ASNS: variants seen among roughly 807,000 people sequenced by gnomAD.
The protein encoded by ASNS is asparagine synthetase (glutamine-hydrolyzing), also known as asparagine synthetase [glutamine-hydrolyzing].
Under a neutral mutation model 62.6 loss-of-function variants are expected in ASNS, and 37 were observed. That is an observed-to-expected ratio of 0.59 (90% CI 0.45 to 0.78). The LOEUF (loss-of-function observed/expected upper bound fraction) is 0.78, where lower values mean the gene tolerates loss of function less well. Among genes scored for constraint, ASNS ranks in the 30% least tolerant of loss-of-function variants. The pLI is 0.00. For synonymous variants in ASNS, 207 were observed against 237.9 expected (o/e 0.87, Z 1.19); for missense variants, 520 against 682.4 (o/e 0.76, Z 2.65).
At chr7:97,925,755 G>A in the ASNS span, among the ~76,000 whole-genome samples, 1 of 152,198 alleles carries the variant, frequency 6.6e-6, no homozygotes, top group Non-Finnish European at 1.5e-5. Context: ...ACTCCAGTGA[G>A]TTATCACCCT....
chr7:97,927,071 CTTTTTTTTTTT>C, the ASNS span, among the ~76,000 whole-genome samples: 20 of 40,516 alleles, frequency 4.9e-4, no homozygotes, highest in South Asian at 1.4e-3. Context: ...CCACACCTGG[CTTTTTTTTTTT>C]TTTTTTTTTT....
chr7:97,877,977 T>G, the ASNS span, among the ~76,000 whole-genome samples: 1 of 152,116 alleles, frequency 6.6e-6, no homozygotes, highest in African/African-American at 2.4e-5. Context: ...CATTACAACT[T>G]CCTTTCTCAA....
chr7:97,898,133 T>TCA, the ASNS span, among the ~76,000 whole-genome samples: 1 of 151,944 alleles, frequency 6.6e-6, no homozygotes, highest in African/African-American at 2.4e-5. Context: ...CTCACTCTGT[T>TCA]GCCCAGGCTG....
chr7:97,885,341 C>G, the ASNS span, among the ~76,000 whole-genome samples: 912 of 152,324 alleles, frequency 6.0e-3, 7 homozygotes, highest in African/African-American at 0.021. Flanking sequence ...ATGAATAATG[C>G]TGCTATGAGC....
the ASNS span, among the ~76,000 whole-genome samples, chr7:97,896,735 C>CATATATATATATATATATATATAT: frequency 1.2e-4 from 3 of 24,958 alleles, no homozygotes; most frequent in Non-Finnish European, 2.2e-4. Context: ...CACACACACA[C>CATATATATATATATATATATATAT]ACACACATAT....
the ASNS span, chr7:97,898,484 C>A: frequency 7.4e-6 from 4 of 542,052 alleles, no homozygotes; most frequent in African/African-American, 7.8e-5. Flanking sequence ...AGCATTTTTA[C>A]TTTTCTAATG....
At chr7:97,916,263 C>T in the ASNS span, among the ~76,000 whole-genome samples, 1 of 152,070 alleles carries the variant, frequency 6.6e-6, no homozygotes, top group Admixed American at 6.5e-5. Context: ...TGCCTGTAGT[C>T]CCAGCTACTC....
chr7:97,882,404 C>T, the ASNS span, among the ~76,000 whole-genome samples: 23 of 150,660 alleles, frequency 1.5e-4, no homozygotes, highest in Non-Finnish European at 3.3e-4. Context: ...AAAAATTAGC[C>T]GGGCATGGTG....
the ASNS span, among the ~76,000 whole-genome samples, chr7:97,881,854 C>T: frequency 6.6e-6 from 1 of 152,092 alleles, no homozygotes; most frequent in Non-Finnish European, 1.5e-5. Flanking sequence ...ATGATAACAG[C>T]AACCCCAATC....
At chr7:97,854,391 TTGGGACAAAGTTAAGA>T (rs1181021027) in intron 10 of ASNS, among the ~76,000 whole-genome samples, 173 bp downstream of exon 10, 2 of 152,192 alleles carry the variant, frequency 1.3e-5, no homozygotes, top group Non-Finnish European at 2.9e-5. Context: ...CCTAATCCTT[TTGGGACAAAGTTAAGA>T]AACAGCTTCA....
chr7:97,926,128 A>G, the ASNS span, among the ~76,000 whole-genome samples: 1 of 144,746 alleles, frequency 6.9e-6, no homozygotes, highest in East Asian at 2.1e-4. Context: ...GTCCCGATTT[A>G]CCTGCTAAAA....
Position 97,864,248 on chromosome 7 carries a change from T to C in ASNS, c.487+11A>G. On this transcript the variant is annotated intron_variant, in intron 4 of 12. Coordinates refer to ENST00000394308, the MANE Select transcript of ASNS (RefSeq NM_001673.5). ...ACAATAATGAAAATCTATAGAAAAATTTATTATTACCTTTAGCTTCTGAAC... is the reference window on the plus strand; with the variant it reads ...ACAATAATGAAAATCTATAGAAAAACTTATTATTACCTTTAGCTTCTGAAC... 2 of 1,592,360 alleles carry C rather than the reference T, an allele frequency of 1.3e-6. No homozygotes were observed. The highest frequency in any genetic ancestry group is 1.7e-6 in the Non-Finnish European group (2 of 1,169,094).
the ASNS span, chr7:97,908,453 G>A: frequency 6.6e-6 from 1 of 152,118 alleles, no homozygotes; most frequent in Non-Finnish European, 1.5e-5. Context: ...CCACATTGGA[G>A]TGCAGTGGTA....
the ASNS span, among the ~76,000 whole-genome samples, chr7:97,883,332 C>T: frequency 6.6e-6 from 1 of 152,268 alleles, no homozygotes; most frequent in Non-Finnish European, 1.5e-5. Context: ...AAACATTCCT[C>T]TTCACAAAGG....
chr7:97,922,471 G>A, the ASNS span, among the ~76,000 whole-genome samples: 1 of 152,212 alleles, frequency 6.6e-6, no homozygotes, highest in Non-Finnish European at 1.5e-5. Flanking sequence ...GACACAGAAT[G>A]TCATTTTTAG....
At chr7:97,909,294 CTTTTTTTTTTTT>C in the ASNS span, among the ~76,000 whole-genome samples, 38 of 72,664 alleles carry the variant, frequency 5.2e-4, no homozygotes, top group East Asian at 2.2e-3. Context: ...CTCACATACA[CTTTTTTTTTTTT>C]TTTTTTTTTT....
Position 97,853,249 on chromosome 7 carries a change from A to C in ASNS, c.1321-34T>G, listed in dbSNP as rs1443782997. 2.5e-6 allele frequency: 4 copies of C among 1,607,830 alleles called. No individual in the cohort carries two copies. In the East Asian group the frequency reaches 8.9e-5, roughly 36 times the overall value. On this transcript the variant is annotated intron_variant, in intron 11 of 12. Transcript: ENST00000394308. Reference sequence around the variant, plus strand: ...ACAAAAAAAGGAGCATCAGGTAAAAATTACAAATATAATCTGATGGCAATG... The same window carrying C: ...ACAAAAAAAGGAGCATCAGGTAAAACTTACAAATATAATCTGATGGCAATG...
At chr7:97,867,651 C>T (rs1332538393) in intron 3 of ASNS, among the ~76,000 whole-genome samples, 5 of 152,126 alleles carry the variant, frequency 3.3e-5, no homozygotes, top group South Asian at 2.1e-4. Flanking sequence ...ATTTTTAATA[C>T]TCTCTTCTTC....
chr7:97,856,581 C>T (rs1791443467), intron 8 of ASNS, 109 bp downstream of exon 8: 1 of 1,003,838 alleles, frequency 1.0e-6, no homozygotes, highest in Non-Finnish European at 1.4e-6. Flanking sequence ...AATTTGCATT[C>T]ATCCTTAAAT....
Sources: allele counts gnomAD v4.1 joint callset (sites outside exome capture counted in the v4.1 genomes callset), GRCh38; gene constraint gnomAD v4.1.1; transcripts MANE v1.5; gene names NCBI Gene and HGNC (gene_info 2026-07-23, HGNC 2026-07-21).